The following SUGCT variants were observed in gnomAD, a reference collection of about 807,000 sequenced individuals.
SUGCT encodes succinyl-CoA:glutarate-CoA transferase, also known as succinyl-CoA:glutarate CoA-transferase.
Under a neutral mutation model 55.0 loss-of-function variants are expected in SUGCT, and 41 were observed. That is an observed-to-expected ratio of 0.74 (90% confidence interval 0.58 to 0.97). The LOEUF (loss-of-function observed/expected upper bound fraction) is 0.97, where lower values mean the gene tolerates loss of function less well. SUGCT is among the 50% of genes least tolerant of loss of function. The probability of loss-of-function intolerance (pLI) is 0.00; values close to 1 mark genes in which losing one functional copy is unlikely to be tolerated. For synonymous variants in SUGCT, 187 were observed against 200.4 expected (o/e 0.93, Z 0.56); for missense variants, 568 against 547.8 (o/e 1.04, Z -0.37).
the SUGCT span, among the ~76,000 whole-genome samples, chr7:40,997,439 T>C: frequency 6.6e-6 from 1 of 152,142 alleles, no homozygotes; most frequent in Non-Finnish European, 1.5e-5. Context: ...AATCTGACCT[T>C]GCTCTTTCCT....
chr7:40,438,998 T>C (rs1788322174), intron 9 of SUGCT, among the ~76,000 whole-genome samples: 1 of 143,612 alleles, frequency 7.0e-6, no homozygotes, highest in Non-Finnish European at 1.5e-5. Flanking sequence ...ATATAGAAAG[T>C]ATATATGTAG....
the SUGCT span, among the ~76,000 whole-genome samples, chr7:40,927,184 A>G: frequency 2.6e-5 from 4 of 152,250 alleles, no homozygotes; most frequent in African/African-American, 9.6e-5. Flanking sequence ...GCTACTTAGC[A>G]TTCCCTAAGG....
chr7:40,190,162 T>G (rs1321516452), intron 5 of SUGCT, among the ~76,000 whole-genome samples: 1 of 152,230 alleles, frequency 6.6e-6, no homozygotes, highest in Non-Finnish European at 1.5e-5. Flanking sequence ...CTGCCTTCTG[T>G]GCTTACTGGC....
chr7:40,693,004 A>G (rs1784764760), intron 12 of SUGCT, among the ~76,000 whole-genome samples: 1 of 152,156 alleles, frequency 6.6e-6, no homozygotes, highest in African/African-American at 2.4e-5. Context: ...CTTCATCTCT[A>G]CTATACGGGC....
At chr7:40,338,056 T>G (rs1433000767) in intron 9 of SUGCT, among the ~76,000 whole-genome samples, 2 of 152,226 alleles carry the variant, frequency 1.3e-5, no homozygotes, top group Non-Finnish European at 2.9e-5. Context: ...TTCTTTTCTT[T>G]AAGAATGTTG....
chr7:40,966,947 C>T, the SUGCT span: 2 of 152,194 alleles, frequency 1.3e-5, no homozygotes, highest in South Asian at 2.1e-4. Context: ...TATCTTAGCT[C>T]TTTGTTCACT....
At chr7:41,023,914 T>C in the SUGCT span, among the ~76,000 whole-genome samples, 1 of 152,224 alleles carries the variant, frequency 6.6e-6, no homozygotes, top group Non-Finnish European at 1.5e-5. Flanking sequence ...TTTATGTCAG[T>C]GTGAATTGCA....
chr7:40,473,657 A>G (rs141658929), intron 11 of SUGCT, among the ~76,000 whole-genome samples: 10 of 152,298 alleles, frequency 6.6e-5, no homozygotes, highest in African/African-American at 1.9e-4. Context: ...AAATGGTGGC[A>G]TGATTTAACC....
At chr7:40,439,322 G>A (rs1346715189) in intron 9 of SUGCT, among the ~76,000 whole-genome samples, 1 of 150,672 alleles carries the variant, frequency 6.6e-6, no homozygotes, top group Non-Finnish European at 1.5e-5. Context: ...ACCTCATCAG[G>A]ACTTCTGACC....
chr7:40,702,933 G>A (rs1785228943), intron 12 of SUGCT, among the ~76,000 whole-genome samples: 2 of 152,118 alleles, frequency 1.3e-5, no homozygotes, highest in Admixed American at 6.5e-5. Flanking sequence ...GTTTTTATAT[G>A]TGACAGAACT....
the SUGCT span, among the ~76,000 whole-genome samples, chr7:41,013,761 T>G: frequency 6.6e-6 from 1 of 152,050 alleles, no homozygotes; most frequent in East Asian, 1.9e-4. Context: ...CTTTCTTTTT[T>G]TTTTTTAAAG....
rs561729031 is a variant in SUGCT, at chr7:40,269,920, T to G, written c.577-4593T>G. Among the ~76,000 whole-genome samples the G allele has an allele frequency of 3.3e-5, 5 of 152,236 alleles. No individual in the cohort carries two copies. In the East Asian group the frequency reaches 9.7e-4, roughly 29 times the overall value. ...GGGAGGCCCAGGCCAGTGGATTGCT[T>G]GAGCCCAGGAGTTCAAGACCAGCCT... On this transcript the variant is annotated intron_variant, in intron 7 of 13. Transcript: ENST00000335693.
In SUGCT at chr7:40,635,313, CA is replaced by C. The variant is rs201178821; in HGVS notation, c.1090-114112del. Reference sequence around the variant, plus strand: ...AAAAAGAAAAAAACAAAAAACAAAACAAAAAAAAACACATAGGGATTGAGTC... The same window carrying C: ...AAAAAGAAAAAAACAAAAAACAAAACAAAAAAAACACATAGGGATTGAGTC... On this transcript the variant is annotated intron_variant, in intron 12 of 13. Transcript: ENST00000335693. Among the ~76,000 whole-genome samples, 8 of 148,290 alleles carry C rather than the reference CA, an allele frequency of 5.4e-5. No individual in the cohort carries two copies. The South Asian group carries it at 6.4e-4, about 12-fold the overall frequency.
the SUGCT span, among the ~76,000 whole-genome samples, chr7:40,867,720 A>G: frequency 1.3e-5 from 2 of 152,202 alleles, no homozygotes; most frequent in Non-Finnish European, 2.9e-5. Flanking sequence ...AGAAAGAAGT[A>G]CATCTTCATG....
At chr7:40,864,239 C>T (rs1198181113), downstream of SUGCT, among the ~76,000 whole-genome samples, 1 of 152,142 alleles carries the variant, frequency 6.6e-6, no homozygotes, top group South Asian at 2.1e-4. Flanking sequence ...TCACTGCAAC[C>T]TTTGCCTCCC....
intron 9 of SUGCT, among the ~76,000 whole-genome samples, chr7:40,398,821 G>T (rs901223260): frequency 6.6e-6 from 1 of 152,150 alleles, no homozygotes; most frequent in African/African-American, 2.4e-5. Context: ...TTTGTGCAGT[G>T]AACAAAGGAT....
chr7:40,281,642 A>G (rs544341052), intron 8 of SUGCT, among the ~76,000 whole-genome samples: 143 of 152,346 alleles, frequency 9.4e-4, no homozygotes, highest in Non-Finnish European at 1.6e-3. Flanking sequence ...AAGCAGTCTC[A>G]GGTGAAAAAC....
intron 1 of SUGCT, chr7:40,141,928 G>T: frequency 3.3e-6 from 1 of 303,324 alleles, no homozygotes; most frequent in Admixed American, 3.5e-5. Context: ...TGATGCACGT[G>T]GCCCCGCTGC....
the SUGCT span, among the ~76,000 whole-genome samples, chr7:40,915,088 G>A: frequency 2.0e-5 from 3 of 152,124 alleles, no homozygotes; most frequent in African/African-American, 4.8e-5. Context: ...CTTCTTTTCC[G>A]ATCACTGCTG....
Sources: allele counts gnomAD v4.1 joint callset (sites outside exome capture counted in the v4.1 genomes callset), GRCh38; gene constraint gnomAD v4.1.1; transcripts MANE v1.5; gene names NCBI Gene and HGNC (gene_info 2026-07-23, HGNC 2026-07-21).